The following CFAP53 variants were observed in gnomAD, a reference collection of about 807,000 sequenced individuals.
CFAP53 encodes the protein cilia and flagella associated protein 53.
In CFAP53, 62 loss-of-function variants were observed where a neutral mutation model predicts 59.7. That is an observed-to-expected ratio of 1.04 (90% confidence interval 0.85 to 1.28). The LOEUF (loss-of-function observed/expected upper bound fraction) is 1.28, where lower values mean the gene tolerates loss of function less well. CFAP53 is among the 50% of genes most tolerant of loss of function. The probability of loss-of-function intolerance (pLI) is 0.00; values close to 1 mark genes in which losing one functional copy is unlikely to be tolerated. For synonymous variants in CFAP53, 218 were observed against 205.7 expected, an observed-to-expected ratio of 1.06 and a Z score of -0.51; for missense variants, 629 against 615.6, an observed-to-expected ratio of 1.02 and a Z score of -0.23.
chr18:50,250,569 T>A (rs938614516), intron 5 of CFAP53, among the ~76,000 whole-genome samples, 189 bp downstream of exon 5: 1 of 152,204 alleles, frequency 6.6e-6, no homozygotes, highest in Admixed American at 6.5e-5. Flanking sequence ...ATGATTTTGA[T>A]TGGGAGATCC....
chr18:50,242,992 T>G lies in CFAP53; in HGVS notation c.1121A>C (p.Glu374Ala). ...TTCAAGTCTCAGCTCCTTGTCCTTCTCAGCCAACTTCTTTGCCTTGTCTTC... is the reference window on the plus strand; with the variant it reads ...TTCAAGTCTCAGCTCCTTGTCCTTCGCAGCCAACTTCTTTGCCTTGTCTTC... ...LEEDKAKKLA[E>A]KDKELRLEKE... Residue 374 changes from glutamate to alanine, a missense_variant, in exon 6 of 8, where the codon GAG becomes GCG. Transcript: ENST00000398545. 6.2e-7 allele frequency: 1 copy of G among 1,614,114 alleles called. No individual in the cohort carries two copies. The highest frequency in any genetic ancestry group is 8.5e-7 in the Non-Finnish European group (1 of 1,180,018).
chr18:50,247,189 T>C (rs1303823635), intron 5 of CFAP53, among the ~76,000 whole-genome samples: 1 of 152,040 alleles, frequency 6.6e-6, no homozygotes, highest in Non-Finnish European at 1.5e-5. Context: ...CAAATGACCA[T>C]AAGCACAGGA....
chr18:50,253,159 G>A (rs886772701), intron 3 of CFAP53, among the ~76,000 whole-genome samples: 4 of 152,106 alleles, frequency 2.6e-5, no homozygotes, highest in Non-Finnish European at 5.9e-5. Context: ...TGGGACCACA[G>A]GCGCCCACCA....
chr18:50,252,600 G>C (rs1033445618), intron 3 of CFAP53, among the ~76,000 whole-genome samples: 31 of 152,040 alleles, frequency 2.0e-4, no homozygotes, highest in African/African-American at 7.5e-4. Flanking sequence ...GTAGAGACAG[G>C]GTCTTGCTAT....
chr18:50,259,029 G>A (rs572010026), intron 3 of CFAP53, among the ~76,000 whole-genome samples: 1 of 152,300 alleles, frequency 6.6e-6, no homozygotes, highest in African/African-American at 2.4e-5. Context: ...AACCACTATG[G>A]AGAACAGTTT....
intron 7 of CFAP53, among the ~76,000 whole-genome samples, chr18:50,231,564 A>G (rs1305720381): frequency 6.6e-6 from 1 of 152,212 alleles, no homozygotes; most frequent in Non-Finnish European, 1.5e-5. Flanking sequence ...CCACCTGTTC[A>G]GGTGAGGGAC....
At chr18:50,262,279 A>G (rs1410755635) in intron 1 of CFAP53, 60 bp from the exon 2 acceptor site, 27 of 1,394,796 alleles carry the variant, frequency 1.9e-5, no homozygotes, top group Non-Finnish European at 2.7e-5. Flanking sequence ...CATATTTTCA[A>G]TTAGTTATGC....
chr18:50,252,831 C>G (rs1232531079), intron 3 of CFAP53, among the ~76,000 whole-genome samples: 1 of 152,202 alleles, frequency 6.6e-6, no homozygotes, highest in Non-Finnish European at 1.5e-5. Flanking sequence ...CTGGGAAACA[C>G]AGTGAGACCT....
In CFAP53 at chr18:50,230,846, A is replaced by G. The variant is rs2033576663; in HGVS notation, c.1317-3237T>C. Among the ~76,000 whole-genome samples, 3 of 152,218 alleles carry G rather than the reference A, an allele frequency of 2.0e-5. No individual in the cohort carries two copies. In the South Asian group the frequency reaches 6.2e-4, roughly 32 times the overall value. Reference sequence around the variant, plus strand: ...TTTTATCAGAAATAAAGATAATAGAATTTTATCAGAAATAAAGATAATGTG... The same window carrying G: ...TTTTATCAGAAATAAAGATAATAGAGTTTTATCAGAAATAAAGATAATGTG... On this transcript the variant is annotated intron_variant, in intron 7 of 7. Coordinates refer to ENST00000398545, the MANE Select transcript of CFAP53 (RefSeq NM_145020.5).
intron 1 of CFAP53, among the ~76,000 whole-genome samples, chr18:50,264,384 C>T (rs534421085): frequency 6.6e-6 from 1 of 152,320 alleles, no homozygotes; most frequent in African/African-American, 2.4e-5. Flanking sequence ...TTGATTCTGG[C>T]CTCTGTCCAT....
intron 7 of CFAP53, among the ~76,000 whole-genome samples, chr18:50,236,175 C>T (rs958539785): frequency 2.6e-5 from 4 of 152,146 alleles, no homozygotes; most frequent in African/African-American, 9.7e-5. Flanking sequence ...TCCCTGCTAC[C>T]TTGGTGTTAT....
chr18:50,227,687 A>G, intron 7 of CFAP53, 78 bp from the exon 8 acceptor site: 1 of 1,126,740 alleles, frequency 8.9e-7, no homozygotes, highest in Non-Finnish European at 1.3e-6. Context: ...CAATTAAAAT[A>G]TAATTTGTAA....
At chr18:50,250,997 A>C (rs781156351) in intron 4 of CFAP53, 21 bp from the exon 5 acceptor site, 6 of 1,589,390 alleles carry the variant, frequency 3.8e-6, no homozygotes, top group South Asian at 3.3e-5. Context: ...ATCATAATAA[A>C]GATAATGCAT....
intron 5 of CFAP53, among the ~76,000 whole-genome samples, chr18:50,248,453 A>C (rs147048180): frequency 7.4e-4 from 112 of 152,334 alleles, no homozygotes; most frequent in Admixed American, 2.9e-3. Flanking sequence ...TTACTATATG[A>C]CATAGCAATT....
intron 7 of CFAP53, among the ~76,000 whole-genome samples, chr18:50,233,886 G>T (rs534491482): frequency 2.6e-5 from 4 of 152,316 alleles, no homozygotes; most frequent in South Asian, 2.1e-4. Context: ...AAAAACACAG[G>T]TTTAGGAGGG....
At chr18:50,252,402 C>G (rs748498371) in intron 3 of CFAP53, among the ~76,000 whole-genome samples, 3 of 152,016 alleles carry the variant, frequency 2.0e-5, no homozygotes, top group Non-Finnish European at 4.4e-5. Context: ...CCGTACCCAG[C>G]TGCTCACTTT....
intron 5 of CFAP53, among the ~76,000 whole-genome samples, chr18:50,244,953 C>G (rs1219362373): frequency 6.7e-6 from 1 of 149,210 alleles, no homozygotes; most frequent in South Asian, 2.1e-4. Flanking sequence ...GTCCCAGCTA[C>G]TTAGGAGGCT....
chr18:50,258,190 C>G (rs1379795872), intron 3 of CFAP53, among the ~76,000 whole-genome samples: 1 of 152,140 alleles, frequency 6.6e-6, no homozygotes, highest in African/African-American at 2.4e-5. Flanking sequence ...ATCACATTAC[C>G]TAACTTCGAA....
chr18:50,245,568 T>C (rs113960770), intron 5 of CFAP53, among the ~76,000 whole-genome samples: 46 of 152,300 alleles, frequency 3.0e-4, no homozygotes, highest in African/African-American at 1.0e-3. Flanking sequence ...AGTGTTAAAA[T>C]GTATACTCTG....
Sources: gnomAD v4.1 joint callset for allele counts (sites outside exome capture counted in the v4.1 genomes callset) on GRCh38, gnomAD v4.1.1 for gene constraint, MANE v1.5 for transcripts, NCBI Gene and HGNC (gene_info 2026-07-23, HGNC 2026-07-21) for gene names.